CFAP47: variants seen among roughly 807,000 people sequenced by gnomAD.
CFAP47 encodes cilia- and flagella-associated protein 47.
In CFAP47, 29 loss-of-function variants were observed where a neutral mutation model predicts 148.1. The observed-to-expected ratio is 0.20, with a 90% CI of 0.15 to 0.27. The LOEUF (loss-of-function observed/expected upper bound fraction) is 0.27, where lower values mean the gene tolerates loss of function less well. Ranked by LOEUF, CFAP47 falls within the 10% of genes least tolerant of loss-of-function variation. The pLI, the probability that CFAP47 is intolerant of heterozygous loss-of-function variation, is 1.00. For synonymous variants in CFAP47, 664 were observed against 577.3 expected (o/e 1.15, Z -2.15); for missense variants, 1,872 against 1,697.5 (o/e 1.10, Z -1.81).
chrX:36,159,935 G>T (rs1370389625), intron 38 of CFAP47, among the ~76,000 whole-genome samples: 2 of 111,736 alleles, frequency 1.8e-5, no homozygotes, highest in Non-Finnish European at 1.9e-5. Context: ...TCAAAGGGTG[G>T]GGAAGAGAGA....
chrX:36,051,198 G>A (rs981201686), intron 26 of CFAP47, among the ~76,000 whole-genome samples: 1 of 111,388 alleles, frequency 9.0e-6, no homozygotes, highest in African/African-American at 3.3e-5. Context: ...AGAGCTGTGA[G>A]AAGAGGCCCA....
At chrX:36,213,240 T>G (rs1940122393) in intron 45 of CFAP47, among the ~76,000 whole-genome samples, 1 of 111,874 alleles carries the variant, frequency 8.9e-6, no homozygotes, top group Non-Finnish European at 1.9e-5. Flanking sequence ...TAATGGAACT[T>G]TCATCATTCT....
intron 46 of CFAP47, among the ~76,000 whole-genome samples, chrX:36,231,754 A>G (rs1368875969): frequency 9.0e-6 from 1 of 111,521 alleles, no homozygotes; most frequent in Admixed American, 9.5e-5. Context: ...TGGATTTGTC[A>G]TAGATAGCTC....
chrX:36,341,037 C>CTTTTT (rs11450233), intron 57 of CFAP47, among the ~76,000 whole-genome samples: 35 of 89,561 alleles, frequency 3.9e-4, no homozygotes, highest in Non-Finnish European at 5.9e-4. Context: ...CTTTTCTTTT[C>CTTTTT]TTTTTTTTTT....
At chrX:36,109,183 T>A (rs12855538) in intron 33 of CFAP47, among the ~76,000 whole-genome samples, 1,541 of 112,363 alleles carry the variant, frequency 0.014, 20 homozygotes, top group Non-Finnish European at 0.018. Flanking sequence ...GTTTTGTTTA[T>A]GCAGTCTACC....
chrX:36,140,662 T>C (rs997702394), intron 35 of CFAP47, among the ~76,000 whole-genome samples: 2 of 111,799 alleles, frequency 1.8e-5, no homozygotes, highest in Non-Finnish European at 3.8e-5. Context: ...AATGAATTAA[T>C]GCTGGTGCTT....
At chrX:36,135,019 GT>G (rs1481575490) in intron 33 of CFAP47, among the ~76,000 whole-genome samples, 1 of 111,156 alleles carries the variant, frequency 9.0e-6, no homozygotes, top group Non-Finnish European at 1.9e-5. Context: ...TTTTCCAGCT[GT>G]TTCACCAAAA....
chrX:35,956,256 C>A, intron 8 of CFAP47, 60 bp downstream of exon 8: 6 of 870,347 alleles, frequency 6.9e-6, no homozygotes, highest in Middle Eastern at 2.8e-4. Context: ...TGCTAAAATG[C>A]TATGCGGAGG....
At chrX:36,269,557 G>A (rs782387602) in intron 49 of CFAP47, among the ~76,000 whole-genome samples, 1 of 112,397 alleles carries the variant, frequency 8.9e-6, no homozygotes, top group African/African-American at 3.2e-5. Flanking sequence ...CTGATTTGGG[G>A]TGACATTTCT....
chrX:36,185,501 G>T (rs1939797006), intron 40 of CFAP47, among the ~76,000 whole-genome samples: 1 of 111,435 alleles, frequency 9.0e-6, no homozygotes, highest in African/African-American at 3.3e-5. Context: ...TTCTAGATTA[G>T]GATTTCTTAA....
intron 45 of CFAP47, among the ~76,000 whole-genome samples, chrX:36,205,531 G>A (rs1442021690): frequency 9.0e-6 from 1 of 111,390 alleles, no homozygotes; most frequent in Non-Finnish European, 1.9e-5. Flanking sequence ...TATCAGAGGA[G>A]AAGAATGTGT....
intron 53 of CFAP47, among the ~76,000 whole-genome samples, chrX:36,302,495 A>G (rs2146958595): frequency 8.9e-6 from 1 of 111,985 alleles, no homozygotes; most frequent in African/African-American, 3.2e-5. Flanking sequence ...TGATGATTCC[A>G]TTCTTTTTAT....
At chrX:36,186,856 G>T (rs189998256) in intron 40 of CFAP47, among the ~76,000 whole-genome samples, 2 of 106,830 alleles carry the variant, frequency 1.9e-5, no homozygotes, top group East Asian at 5.7e-4. Context: ...TTGTTCTACA[G>T]TATTTTTTTT....
chrX:36,038,927 A>G, intron 24 of CFAP47, 57 bp from the exon 25 acceptor site: 5 of 579,908 alleles, frequency 8.6e-6, no homozygotes, highest in Non-Finnish European at 1.3e-5. Context: ...TCAGCTATGT[A>G]AATTTTTTGT....
At chrX:35,965,080 A>G (rs1399112546) in intron 8 of CFAP47, among the ~76,000 whole-genome samples, 1 of 111,183 alleles carries the variant, frequency 9.0e-6, no homozygotes, top group Non-Finnish European at 1.9e-5. Context: ...TACATAATAT[A>G]ACTTGGCAAC....
chrX:36,210,058 T>C (rs1208658264), intron 45 of CFAP47, among the ~76,000 whole-genome samples: 7 of 112,199 alleles, frequency 6.2e-5, no homozygotes, highest in African/African-American at 2.3e-4. Context: ...GATCAAATAA[T>C]ATTCCATTTT....
At chrX:36,274,062 G>A (rs886312329) in intron 49 of CFAP47, among the ~76,000 whole-genome samples, 3 of 111,579 alleles carry the variant, frequency 2.7e-5, no homozygotes, top group Non-Finnish European at 5.7e-5. Context: ...TTTATTTTTT[G>A]TGATAGTTAA....
At chrX:35,933,833 G>C (rs1935868709) in intron 2 of CFAP47, among the ~76,000 whole-genome samples, 1 of 111,854 alleles carries the variant, frequency 8.9e-6, no homozygotes, top group South Asian at 3.7e-4. Context: ...GTGATGTTGA[G>C]CATTTTTTCA....
intron 46 of CFAP47, among the ~76,000 whole-genome samples, chrX:36,230,537 A>G (rs1250792832): frequency 2.0e-5 from 2 of 99,675 alleles, no homozygotes; most frequent in Non-Finnish European, 3.9e-5. Context: ...TAGGTTGCAA[A>G]AATTTTCTCC....
Sources: gnomAD v4.1 joint callset for allele counts (sites outside exome capture counted in the v4.1 genomes callset) on GRCh38, gnomAD v4.1.1 for gene constraint, MANE v1.5 for transcripts, NCBI Gene and HGNC (gene_info 2026-07-23, HGNC 2026-07-21) for gene names.